PTPRD: variants seen among roughly 807,000 people sequenced by gnomAD.
The protein encoded by PTPRD is receptor-type tyrosine-protein phosphatase delta.
PTPRD carries 34 observed loss-of-function variants against 214.5 expected under a neutral mutation model. That is an observed-to-expected ratio of 0.16 (90% CI 0.12 to 0.21). PTPRD has a LOEUF of 0.21. Among genes scored for constraint, PTPRD ranks in the 10% least tolerant of loss-of-function variants. PTPRD has a pLI of 1.00. For missense variants in PTPRD, 2,545 were observed against 2,398.7 expected, an observed-to-expected ratio of 1.06 and a Z score of -1.27; for synonymous variants, 1,128 against 845.7, an observed-to-expected ratio of 1.33 and a Z score of -5.79.
At chr9:10,147,481 C>T (rs955614343) in intron 3 of PTPRD, among the ~76,000 whole-genome samples, 1 of 152,062 alleles carries the variant, frequency 6.6e-6, no homozygotes, top group African/African-American at 2.4e-5. Flanking sequence ...TTTAAAAATG[C>T]CTTTGCTTAT....
intron 11 of PTPRD, among the ~76,000 whole-genome samples, chr9:8,755,515 G>A (rs552627596): frequency 1.4e-5 from 2 of 142,234 alleles, no homozygotes; most frequent in African/African-American, 2.8e-5. Flanking sequence ...GGCAACAAGA[G>A]TGAAACTCTG....
chr9:9,740,957 T>C (rs192096301), intron 6 of PTPRD, among the ~76,000 whole-genome samples: 303 of 152,220 alleles, frequency 2.0e-3, no homozygotes, highest in African/African-American at 7.0e-3. Context: ...ATTGTGGAAA[T>C]AGATATAACC....
At chr9:9,735,717 C>T (rs1039799916) in intron 6 of PTPRD, among the ~76,000 whole-genome samples, 6 of 152,074 alleles carry the variant, frequency 3.9e-5, no homozygotes, top group Non-Finnish European at 8.8e-5. Context: ...AGAGACCTTA[C>T]TGAATTCTCT....
chr9:9,315,585 C>G (rs10816090), intron 9 of PTPRD, among the ~76,000 whole-genome samples: 27,042 of 151,690 alleles, frequency 0.18, 2,660 homozygotes, highest in East Asian at 0.36. Context: ...TTGGGGGCCA[C>G]TGAATTTTTG....
chr9:9,694,413 G>GTC (rs915022907), intron 7 of PTPRD, among the ~76,000 whole-genome samples: 1 of 151,832 alleles, frequency 6.6e-6, no homozygotes, highest in Non-Finnish European at 1.5e-5. Flanking sequence ...AACATATGGA[G>GTC]TCTCTCTCTC....
chr9:8,826,854 A>C (rs904065986), intron 11 of PTPRD, among the ~76,000 whole-genome samples: 3 of 151,974 alleles, frequency 2.0e-5, no homozygotes, highest in Non-Finnish European at 2.9e-5. Flanking sequence ...AACTTCTCCC[A>C]ACTCTCTAAC....
intron 14 of PTPRD, among the ~76,000 whole-genome samples, chr9:8,579,831 C>A (rs542123649): frequency 6.6e-6 from 1 of 152,084 alleles, no homozygotes; most frequent in African/African-American, 2.4e-5. Context: ...TAGATGGAAA[C>A]GGAACCAAAA....
chr9:10,156,060 T>C (rs996236067), intron 3 of PTPRD, among the ~76,000 whole-genome samples: 1 of 148,260 alleles, frequency 6.7e-6, no homozygotes, highest in African/African-American at 2.5e-5. Context: ...CTCATGGATT[T>C]TTTGCTCTTT....
At chr9:8,856,310 G>GA (rs1290094230) in intron 11 of PTPRD, among the ~76,000 whole-genome samples, 2 of 151,980 alleles carry the variant, frequency 1.3e-5, no homozygotes, top group South Asian at 4.1e-4. Flanking sequence ...TTGAAACAGA[G>GA]AAAAAAATAC....
At chr9:9,891,302 G>C (rs969685498) in intron 5 of PTPRD, among the ~76,000 whole-genome samples, 4 of 151,530 alleles carry the variant, frequency 2.6e-5, no homozygotes, top group African/African-American at 9.7e-5. Flanking sequence ...TAGACTTTTT[G>C]TTCCAAATAA....
chr9:9,037,549 T>C (rs2099625890), intron 10 of PTPRD, among the ~76,000 whole-genome samples: 1 of 152,086 alleles, frequency 6.6e-6, no homozygotes, highest in Non-Finnish European at 1.5e-5. Context: ...GCTCTAAAAA[T>C]TACTCTCTCA....
chr9:8,964,092 C>T (rs774814542), intron 11 of PTPRD, among the ~76,000 whole-genome samples: 13 of 149,192 alleles, frequency 8.7e-5, no homozygotes, highest in Non-Finnish European at 1.5e-4. Context: ...GTCCCTCCTC[C>T]TTGATTTCAA....
intron 10 of PTPRD, among the ~76,000 whole-genome samples, chr9:9,150,869 A>C (rs766497782): frequency 7.2e-5 from 11 of 152,222 alleles, no homozygotes; most frequent in African/African-American, 2.4e-4. Flanking sequence ...AAGTAAGTTC[A>C]GTTAAATTTT....
chr9:9,807,010 A>C (rs961719647), intron 5 of PTPRD, among the ~76,000 whole-genome samples: 1 of 151,720 alleles, frequency 6.6e-6, no homozygotes, highest in African/African-American at 2.4e-5. Flanking sequence ...ATATGTAAAA[A>C]CCCCAAGACA....
intron 11 of PTPRD, among the ~76,000 whole-genome samples, chr9:8,943,748 AT>A (rs1299115405): frequency 6.6e-6 from 1 of 151,600 alleles, no homozygotes; most frequent in Non-Finnish European, 1.5e-5. Context: ...CATTAAAAAA[AT>A]CAAATCTAAA....
At chr9:9,781,712 A>C (rs940885748) in intron 5 of PTPRD, among the ~76,000 whole-genome samples, 2 of 151,266 alleles carry the variant, frequency 1.3e-5, no homozygotes, top group African/African-American at 4.9e-5. Flanking sequence ...TTCTCTCTCT[A>C]TCCAGTAGGT....
intron 11 of PTPRD, among the ~76,000 whole-genome samples, chr9:8,970,409 A>G (rs1299116005): frequency 1.3e-5 from 2 of 151,948 alleles, no homozygotes; most frequent in African/African-American, 2.4e-5. Context: ...TTGTGAAAAA[A>G]TTCTGCAAAA....
rs549764978 is a variant in PTPRD at position 9,048,380 on chromosome 9, C to T, written c.-142-29645G>A. ...ATTTTTATTGTAGCACCATTTACAA[C>T]AGCTAAGATTTAAAAGCAACCTAAG... On this transcript the variant is annotated intron_variant, in intron 10 of 45. Transcript: ENST00000381196. Among the ~76,000 whole-genome samples the T allele has an allele frequency of 2.8e-4, 43 of 152,228 alleles. No homozygotes were observed. In the South Asian group the frequency reaches 5.6e-3, roughly 20 times the overall value.
chr9:9,088,007 G>A (rs1351959040), intron 10 of PTPRD, among the ~76,000 whole-genome samples: 1 of 145,386 alleles, frequency 6.9e-6, no homozygotes, highest in African/African-American at 2.5e-5. Flanking sequence ...CCAGCCTCCT[G>A]AGTAGCTGGA....
Sources: gnomAD v4.1 joint callset for allele counts (sites outside exome capture counted in the v4.1 genomes callset) on GRCh38, gnomAD v4.1.1 for gene constraint, MANE v1.5 for transcripts, NCBI Gene and HGNC (gene_info 2026-07-23, HGNC 2026-07-21) for gene names.